Variants in FAM83A observed in about 807,000 individuals in gnomAD.
FAM83A encodes scaffolding CK1 anchoring protein A, also known as protein FAM83A.
A neutral mutation model predicts 24.4 loss-of-function variants in FAM83A; 21 were observed. That is an observed-to-expected ratio of 0.86 (90% CI 0.61 to 1.24). FAM83A has a LOEUF of 1.24. FAM83A is among the 50% of genes most tolerant of loss of function. The probability of loss-of-function intolerance (pLI) is 0.00; values close to 1 mark genes in which losing one functional copy is unlikely to be tolerated. For missense variants in FAM83A, 617 were observed against 579.8 expected (o/e 1.06, Z -0.66); for synonymous variants, 270 against 252.4 (o/e 1.07, Z -0.66).
chr8:123,209,466 A>C lies in FAM83A; in HGVS notation c.*1778A>C, dbSNP rs150355346. 2.7e-4 allele frequency: 443 copies of C among 1,614,232 alleles called. No homozygotes were observed. The African/African-American group carries it at 5.2e-3, about 19-fold the overall frequency. On this transcript the variant is annotated 3_prime_UTR_variant, in exon 4 of 4. Coordinates refer to ENST00000690554, the Ensembl canonical transcript of FAM83A. This position sits in a 1 kb window ranked among gnomAD's most constrained non-coding sequence, Gnocchi z 4.7. ...AAAACAAAACAAAAACAAAAAAACA[A>C]ACAACACTTTGGTTCCTGATGGCTT...
chr8:123,182,863 C>A (rs763715707), exon 1 of FAM83A: 1 of 1,520,712 alleles, frequency 6.6e-7, no homozygotes, highest in Non-Finnish European at 8.8e-7. Context: ...AGGCATGAGC[C>A]GGTCAAGGCA....
At chr8:123,187,719 G>T (rs1042640909) in intron 1 of FAM83A, among the ~76,000 whole-genome samples, 1 of 152,176 alleles carries the variant, frequency 6.6e-6, no homozygotes, top group Admixed American at 6.5e-5. Context: ...GTGGAAGGGG[G>T]TCCTGACACA....
chr8:123,182,344 C>T (rs1055101524), upstream of FAM83A: 39 of 356,122 alleles, frequency 1.1e-4, no homozygotes, highest in Non-Finnish European at 2.1e-4. Context: ...CATCTTTCCC[C>T]CCCACAGGGA....
intron 3 of FAM83A, among the ~76,000 whole-genome samples, chr8:123,206,657 C>T (rs1429632445): frequency 1.3e-5 from 2 of 152,182 alleles, no homozygotes; most frequent in Non-Finnish European, 2.9e-5. Flanking sequence ...AGCCTTGAGA[C>T]CAGGGATTCG....
upstream of FAM83A, among the ~76,000 whole-genome samples, chr8:123,181,386 C>T (rs1465049750): frequency 3.3e-5 from 5 of 152,268 alleles, no homozygotes; most frequent in Admixed American, 2.6e-4. Flanking sequence ...CTTACCATAT[C>T]CTGGCTCTTT....
In FAM83A at chr8:123,182,936, C is replaced by CCGGCTTAG; in HGVS notation, c.80_81insCGGCTTAG (p.Asp28GlyfsTer105). On this transcript the variant is annotated frameshift_variant, in exon 1 of 4. Transcript: ENST00000690554. LOFTEE classifies it high-confidence loss of function. The stretch of plus-strand genomic sequence containing the variant: ...AGCCAGTGGGTCCGGCCAGCCAGGG[C>CCGGCTTAG]TGACTTTAGTGACAACGAGAGTGCC... 8 of 1,588,494 alleles carry CCGGCTTAG rather than the reference C, an allele frequency of 5.0e-6. No individual in the cohort carries two copies. Among genetic ancestry groups the CCGGCTTAG allele is most frequent in the Non-Finnish European group, 6.9e-6 (8 of 1,167,468 alleles).
upstream of FAM83A, chr8:123,180,306 G>A (rs1823563965): frequency 2.0e-5 from 3 of 152,054 alleles, no homozygotes; most frequent in Admixed American, 6.6e-5. Flanking sequence ...TAACATAAAT[G>A]GGAACCACTC....
At chr8:123,208,718 A>G in exon 4 of FAM83A, 2 of 985,600 alleles carry the variant, frequency 2.0e-6, no homozygotes, top group African/African-American at 3.5e-5. Flanking sequence ...AGGAGGGGCC[A>G]GGCGTGGTGG....
rs754132553 is a variant in FAM83A at position 123,194,169 on chromosome 8, C to T, written c.773+21C>T. Reference sequence around the variant, plus strand: ...TACAGGTGAGCCTTGGATTCATCTCCTGTCAAGGATTCATGGAGAACAAGG... The same window carrying T: ...TACAGGTGAGCCTTGGATTCATCTCTTGTCAAGGATTCATGGAGAACAAGG... On this transcript the variant is annotated intron_variant, in intron 3 of 3. Transcript: ENST00000690554. 9.9e-6 allele frequency: 16 copies of T among 1,613,064 alleles called. No homozygotes were observed. In the Admixed American group the frequency reaches 2.7e-4, roughly 27 times the overall value.
chr8:123,195,299 T>C (rs1338784391), intron 3 of FAM83A, among the ~76,000 whole-genome samples: 5 of 152,108 alleles, frequency 3.3e-5, no homozygotes, highest in Admixed American at 3.3e-4. Flanking sequence ...AAGGATGCAG[T>C]CTTTCCCCAG....
chr8:123,181,850 A>G (rs1415467094), upstream of FAM83A: 19 of 345,564 alleles, frequency 5.5e-5, no homozygotes, highest in Admixed American at 5.9e-4. Context: ...CCGACCAACC[A>G]CTTGTACTGA....
chr8:123,197,867 C>T (rs1057468052), intron 3 of FAM83A, among the ~76,000 whole-genome samples: 1 of 152,182 alleles, frequency 6.6e-6, no homozygotes, highest in Non-Finnish European at 1.5e-5. Context: ...CAGTGGCTCA[C>T]GCCTGTAATC....
chr8:123,184,040 G>T (rs774117520), intron 1 of FAM83A, among the ~76,000 whole-genome samples: 1 of 152,102 alleles, frequency 6.6e-6, no homozygotes, highest in Non-Finnish European at 1.5e-5. Flanking sequence ...TCCCTGCTTA[G>T]AGCCTTCGGT....
chr8:123,200,134 A>T (rs1181782966), intron 3 of FAM83A: 1 of 152,238 alleles, frequency 6.6e-6, no homozygotes, highest in Non-Finnish European at 1.5e-5. Flanking sequence ...ATTGGACCAG[A>T]ATATGATGCA....
At chr8:123,193,171 A>C (rs1456999094) in intron 2 of FAM83A, among the ~76,000 whole-genome samples, 1 of 152,218 alleles carries the variant, frequency 6.6e-6, no homozygotes, top group Non-Finnish European at 1.5e-5. Flanking sequence ...ACAAGGGATA[A>C]ATAGAGCCAT....
At chr8:123,208,941 GC>G in exon 4 of FAM83A, 1 of 984,038 alleles carries the variant, frequency 1.0e-6, no homozygotes. Flanking sequence ...TCCAGCATGG[GC>G]AACAAAGCAA....
At position 123,207,510 on chromosome 8, in the gene FAM83A, G is replaced by A; in HGVS notation, c.1127G>A (p.Trp376Ter). 1 of 1,575,044 alleles carries A rather than the reference G, an allele frequency of 6.3e-7. No individual in the cohort carries two copies. The highest frequency in any genetic ancestry group is 2.3e-5 in the East Asian group (1 of 43,764). ...CGGTTCCAGCCCCACCAAGGCCCTTGGGGAGCCCCGAGTCCCCAGGCCCAC... is the reference window on the plus strand; with the variant it reads ...CGGTTCCAGCCCCACCAAGGCCCTTAGGGAGCCCCGAGTCCCCAGGCCCAC... The change falls in exon 4 of 4, where the codon TGG (tryptophan) becomes TAG (stop). Residue 376 changes from tryptophan to a stop codon, truncating the protein, a stop_gained. Coordinates refer to ENST00000690554, the Ensembl canonical transcript of FAM83A. LOFTEE classifies it low-confidence loss of function (END_TRUNC).
chr8:123,198,086 G>A (rs1670191), intron 3 of FAM83A, among the ~76,000 whole-genome samples: 34,434 of 152,000 alleles, frequency 0.23, 4,896 homozygotes, highest in South Asian at 0.34. Context: ...AGCAGAGATC[G>A]CACCACTGCA....
At chr8:123,207,680 C>T in exon 4 of FAM83A, 1 of 1,502,362 alleles carries the variant, frequency 6.7e-7, no homozygotes, top group East Asian at 2.4e-5. Context: ...GGCCTCCCCT[C>T]ACTTCTGAAG....
Sources: gnomAD v4.1 joint callset for allele counts (sites outside exome capture counted in the v4.1 genomes callset) on GRCh38, gnomAD v4.1.1 for gene constraint, Gnocchi (gnomAD v3.1) non-coding constraint, MANE v1.5 for transcripts, NCBI Gene and HGNC (gene_info 2026-07-23, HGNC 2026-07-21) for gene names.